Variants in CDKL5 observed in about 807,000 individuals in gnomAD.
CDKL5 encodes cyclin-dependent kinase-like 5.
Under a neutral mutation model 61.7 loss-of-function variants are expected in CDKL5, and 8 were observed. That is an observed-to-expected ratio of 0.13 (90% CI 0.08 to 0.23). The LOEUF (loss-of-function observed/expected upper bound fraction) is 0.23. Among genes scored for constraint, CDKL5 ranks in the 10% least tolerant of loss-of-function variants. The pLI, the probability that CDKL5 is intolerant of heterozygous loss-of-function variation, is 1.00. For missense variants in CDKL5, 440 were observed against 734.5 expected, an observed-to-expected ratio of 0.60 and a Z score of 4.63; for synonymous variants, 275 against 272.3, an observed-to-expected ratio of 1.01 and a Z score of -0.10.
chrX:18,580,437 C>T (rs184635652), intron 6 of CDKL5, among the ~76,000 whole-genome samples: 1 of 111,380 alleles, frequency 9.0e-6, no homozygotes, highest in East Asian at 2.8e-4. Flanking sequence ...CTTCTTACAC[C>T]AACAATCTCC....
At chrX:18,475,094 G>T (rs1487415746) in intron 1 of CDKL5, among the ~76,000 whole-genome samples, 1 of 108,150 alleles carries the variant, frequency 9.2e-6, no homozygotes, top group South Asian at 4.0e-4. Context: ...GAGTAGCTAG[G>T]ATTACAGGCA....
intron 3 of CDKL5, among the ~76,000 whole-genome samples, chrX:18,514,035 G>T (rs560667392): frequency 9.0e-6 from 1 of 111,349 alleles, no homozygotes; most frequent in Non-Finnish European, 1.9e-5. Context: ...TTGACTGGGG[G>T]TGTATATATA....
chrX:18,641,880 C>T (rs1927588384), downstream of CDKL5: 1 of 709,970 alleles, frequency 1.4e-6, no homozygotes, highest in Non-Finnish European at 2.2e-6. Context: ...ATTATCTACC[C>T]AGCACTGCAG....
chrX:18,518,388 A>ATTTTTTTTTTTTTTTTTTT (rs779361711), intron 3 of CDKL5, among the ~76,000 whole-genome samples: 711 of 21,203 alleles, frequency 0.034, 140 homozygotes, highest in Non-Finnish European at 0.043. Flanking sequence ...TTCTTTTCTT[A>ATTTTTTTTTTTTTTTTTTT]TTTTTTTTTT....
intron 1 of CDKL5, among the ~76,000 whole-genome samples, chrX:18,430,571 G>A (rs1931461359): frequency 9.0e-6 from 1 of 111,451 alleles, no homozygotes; most frequent in Non-Finnish European, 1.9e-5. Context: ...AACCTCCCAA[G>A]TAGCTGGGAT....
chrX:18,434,469 A>G (rs1448972647), intron 1 of CDKL5, among the ~76,000 whole-genome samples: 1 of 111,782 alleles, frequency 8.9e-6, no homozygotes, highest in Non-Finnish European at 1.9e-5. Context: ...ACTGGTTTGA[A>G]ATAGGCATAG....
chrX:18,545,015 C>A (rs1334227570), intron 3 of CDKL5, among the ~76,000 whole-genome samples: 1 of 111,047 alleles, frequency 9.0e-6, no homozygotes. Flanking sequence ...ATTGCTTGAG[C>A]CTATGAGTTA....
intron 1 of CDKL5, among the ~76,000 whole-genome samples, chrX:18,457,879 G>A (rs1569186827): frequency 9.8e-6 from 1 of 102,024 alleles, no homozygotes; most frequent in Non-Finnish European, 2.0e-5. Context: ...CTCCCAAAGT[G>A]CTGGGATTGT....
chrX:18,596,359 G>A (rs764350246), intron 10 of CDKL5, among the ~76,000 whole-genome samples: 9 of 110,957 alleles, frequency 8.1e-5, no homozygotes, highest in African/African-American at 2.6e-4. Context: ...GTGACGTTTC[G>A]GAAAGGCCAC....
chrX:18,629,069 G>A lies in CDKL5; in HGVS notation c.*312G>A. ...TTCTCCCCTTTACATTCCAGCTTTA[G>A]TGCAATCTCTGTTGAACTTGGGAAT... is the stretch of plus-strand genomic sequence containing the variant. On this transcript the variant is annotated 3_prime_UTR_variant, in exon 18 of 18. Coordinates refer to ENST00000623535, the MANE Select transcript of CDKL5 (RefSeq NM_001323289.2). 3 of 843,904 alleles carry A rather than the reference G, an allele frequency of 3.6e-6. No individual in the cohort carries two copies. Among genetic ancestry groups the A allele is most frequent in the Non-Finnish European group, 2.9e-6 (2 of 696,786 alleles). 69.5% of individuals were successfully genotyped at this position (843,904 alleles called of 1,213,427 possible). A position where few individuals can be genotyped will look rare whatever the true frequency, so the allele number is the denominator to read the frequency against.
At chrX:18,477,673 T>C (rs778008745) in intron 1 of CDKL5, among the ~76,000 whole-genome samples, 1 of 111,484 alleles carries the variant, frequency 9.0e-6, no homozygotes, top group Non-Finnish European at 1.9e-5. Context: ...CTACTTCAGA[T>C]GTATGCTAAC....
chrX:18,611,276 A>T (rs1926542118), intron 14 of CDKL5, among the ~76,000 whole-genome samples: 1 of 109,704 alleles, frequency 9.1e-6, no homozygotes, highest in African/African-American at 3.3e-5. Flanking sequence ...TAAAAAAAAT[A>T]AAAAATAAAA....
chrX:18,495,223 A>G (rs1270633791), intron 1 of CDKL5, among the ~76,000 whole-genome samples: 1 of 112,431 alleles, frequency 8.9e-6, no homozygotes, highest in South Asian at 3.6e-4. Context: ...TCATGATTCA[A>G]CTGATTTTGT....
intron 3 of CDKL5, among the ~76,000 whole-genome samples, chrX:18,539,420 A>G (rs968851796): frequency 1.8e-4 from 20 of 112,024 alleles, no homozygotes; most frequent in Admixed American, 8.5e-4. Context: ...ATTTTCATCA[A>G]GTTCTATGAA....
At position 18,510,734 on chromosome X, in the gene CDKL5, A is replaced by G. The variant is rs753796357; in HGVS notation, c.65-86A>G. The stretch of plus-strand genomic sequence containing the variant: ...GAATCTTGTCACTTTAGTAGTCATT[A>G]TTATAACACTGAGAAGCAATGTCAG... On this transcript the variant is annotated intron_variant, in intron 2 of 17. Coordinates refer to ENST00000623535, the MANE Select transcript of CDKL5 (RefSeq NM_001323289.2). 3.3e-3 allele frequency: 2,491 copies of G among 759,344 alleles called. 3 individuals are homozygous for G. The highest frequency in any genetic ancestry group is 3.8e-3 in the Non-Finnish European group (1,858 of 487,577). 62.6% of individuals were successfully genotyped at this position (759,344 alleles called of 1,213,427 possible).
intron 1 of CDKL5, among the ~76,000 whole-genome samples, chrX:18,432,462 G>C (rs1052431978): frequency 9.1e-6 from 1 of 109,889 alleles, no homozygotes; most frequent in African/African-American, 3.3e-5. Context: ...GGCTGGTCTC[G>C]ATCTCCTGGG....
At chrX:18,454,962 G>A (rs1169240036) in intron 1 of CDKL5, among the ~76,000 whole-genome samples, 1 of 97,752 alleles carries the variant, frequency 1.0e-5, no homozygotes, top group Non-Finnish European at 2.0e-5. Context: ...GCATGATCTT[G>A]GGTCACTGCA....
chrX:18,608,643 T>C (rs768863209), intron 12 of CDKL5, among the ~76,000 whole-genome samples, 168 bp from the exon 13 acceptor site: 162 of 112,125 alleles, frequency 1.4e-3, no homozygotes, highest in African/African-American at 5.1e-3. Context: ...ATTTGACTTA[T>C]ATTACATTCA....
At chrX:18,533,669 G>A (rs2060248208) in intron 3 of CDKL5, among the ~76,000 whole-genome samples, 1 of 111,379 alleles carries the variant, frequency 9.0e-6, no homozygotes. Context: ...TTTTTGTCCT[G>A]ATCTTACTAC....
Sources: gnomAD v4.1 joint callset for allele counts (sites outside exome capture counted in the v4.1 genomes callset) on GRCh38, gnomAD v4.1.1 for gene constraint, MANE v1.5 for transcripts, NCBI Gene and HGNC (gene_info 2026-07-23, HGNC 2026-07-21) for gene names.